NAALADL2: variants seen among roughly 807,000 people sequenced by gnomAD.
NAALADL2 encodes the protein N-acetylated alpha-linked acidic dipeptidase like 2, also known as inactive N-acetylated-alpha-linked acidic dipeptidase-like protein 2.
Under a neutral mutation model 87.2 loss-of-function variants are expected in NAALADL2, and 76 were observed. The observed-to-expected ratio is 0.87, with a 90% CI of 0.72 to 1.05. The LOEUF (loss-of-function observed/expected upper bound fraction) is 1.05. NAALADL2 is among the 50% of genes least tolerant of loss of function. NAALADL2 has a pLI of 0.00. For missense variants in NAALADL2, 1,089 were observed against 945.8 expected, an observed-to-expected ratio of 1.15 and a Z score of -1.99; for synonymous variants, 354 against 331.0, an observed-to-expected ratio of 1.07 and a Z score of -0.75.
chr3:175,346,087 T>G (rs535621200), intron 5 of NAALADL2, among the ~76,000 whole-genome samples: 1 of 152,280 alleles, frequency 6.6e-6, no homozygotes, highest in East Asian at 1.9e-4. Flanking sequence ...TTGTGCATAT[T>G]TGACTGTAAC....
intron 4 of NAALADL2, among the ~76,000 whole-genome samples, chr3:175,307,452 T>C (rs577419450): frequency 1.3e-5 from 2 of 152,266 alleles, no homozygotes; most frequent in African/African-American, 4.8e-5. Context: ...AATAAAGGTG[T>C]CTGGAATATT....
chr3:174,442,642 C>T (rs959139229), intron 1 of NAALADL2, among the ~76,000 whole-genome samples: 8 of 152,130 alleles, frequency 5.3e-5, no homozygotes, highest in African/African-American at 1.7e-4. Context: ...TACTGCGTGC[C>T]AAGCAGTGTT....
At chr3:175,274,169 C>T (rs1753253625) in intron 4 of NAALADL2, among the ~76,000 whole-genome samples, 1 of 152,122 alleles carries the variant, frequency 6.6e-6, no homozygotes, top group Non-Finnish European at 1.5e-5. Flanking sequence ...GGAAGCAAGA[C>T]ACGTCTTTGT....
intron 5 of NAALADL2, among the ~76,000 whole-genome samples, chr3:175,424,258 C>T (rs550051429): frequency 5.1e-4 from 77 of 152,120 alleles, no homozygotes; most frequent in Non-Finnish European, 4.9e-4. Context: ...AGCTCTTTAG[C>T]TTAATTAGAT....
chr3:175,333,515 C>T (rs541050748), intron 5 of NAALADL2, among the ~76,000 whole-genome samples: 38 of 152,238 alleles, frequency 2.5e-4, no homozygotes, highest in African/African-American at 8.7e-4. Context: ...ATGTCATTTA[C>T]AGCAACAGGG....
At chr3:174,846,795 G>A (rs2109450822) in intron 3 of NAALADL2, among the ~76,000 whole-genome samples, 1 of 152,098 alleles carries the variant, frequency 6.6e-6, no homozygotes, top group South Asian at 2.1e-4. Context: ...GACATTATTG[G>A]GCAGGCTGTG....
chr3:175,050,774 T>C (rs1755279881), intron 1 of NAALADL2, among the ~76,000 whole-genome samples: 1 of 152,198 alleles, frequency 6.6e-6, no homozygotes, highest in Admixed American at 6.5e-5. Context: ...CCATTATATT[T>C]TATTATGACC....
chr3:175,506,108 G>A (rs74619861), intron 9 of NAALADL2, among the ~76,000 whole-genome samples: 3,579 of 152,068 alleles, frequency 0.024, 54 homozygotes, highest in Non-Finnish European at 0.035. Context: ...AATTATGAGC[G>A]GTAGCACTTA....
At chr3:175,770,570 A>G (rs1476366719) in intron 13 of NAALADL2, among the ~76,000 whole-genome samples, 3 of 152,154 alleles carry the variant, frequency 2.0e-5, no homozygotes, top group Non-Finnish European at 2.9e-5. Flanking sequence ...ATAGTAATCT[A>G]CTCTTTATGC....
chr3:174,962,428 T>TGTCATAGTCACTATGAC (rs1742240134), intron 1 of NAALADL2, among the ~76,000 whole-genome samples: 1 of 140,712 alleles, frequency 7.1e-6, no homozygotes, highest in African/African-American at 2.8e-5. Context: ...TATATATATA[T>TGTCATAGTCACTATGAC]ATATGTATAT....
chr3:174,717,989 C>T (rs563177638), intron 2 of NAALADL2, among the ~76,000 whole-genome samples: 4 of 152,020 alleles, frequency 2.6e-5, no homozygotes, highest in East Asian at 1.9e-4. Flanking sequence ...ACTTGTCGGG[C>T]GTGTTGGGAG....
chr3:175,290,988 C>A (rs990741385), intron 4 of NAALADL2, among the ~76,000 whole-genome samples: 9 of 151,902 alleles, frequency 5.9e-5, no homozygotes, highest in African/African-American at 1.7e-4. Context: ...GGCAATGGTG[C>A]TAAGGTGATT....
chr3:175,523,756 C>T (rs1216066177), intron 9 of NAALADL2, among the ~76,000 whole-genome samples: 1 of 151,998 alleles, frequency 6.6e-6, no homozygotes, highest in African/African-American at 2.4e-5. Flanking sequence ...AAGAGAGTGA[C>T]GGAGCGAGTG....
chr3:175,477,445 G>A (rs1301766762), intron 9 of NAALADL2, among the ~76,000 whole-genome samples: 3 of 152,022 alleles, frequency 2.0e-5, no homozygotes, highest in African/African-American at 7.2e-5. Flanking sequence ...TTGAAAGCCT[G>A]TAACTTTGTT....
chr3:175,712,336 C>T (rs1041363399), intron 11 of NAALADL2, among the ~76,000 whole-genome samples: 2 of 151,960 alleles, frequency 1.3e-5, no homozygotes, highest in African/African-American at 4.8e-5. Flanking sequence ...TTCATGTAAT[C>T]CATGTAAAAG....
intron 1 of NAALADL2, among the ~76,000 whole-genome samples, chr3:174,483,354 T>A (rs1254046256): frequency 6.6e-6 from 1 of 151,866 alleles, no homozygotes; most frequent in Admixed American, 6.6e-5. Flanking sequence ...GAAGGAGAAG[T>A]GCTGAGTGAA....
chr3:174,725,385 G>T (rs1206242843), intron 2 of NAALADL2, among the ~76,000 whole-genome samples: 1 of 151,994 alleles, frequency 6.6e-6, no homozygotes, highest in Non-Finnish European at 1.5e-5. Flanking sequence ...TATTTACCTA[G>T]TACTGCTTCA....
At position 175,809,864 on chromosome 3, in the gene NAALADL2, C is replaced by A. The variant is rs542049966; in HGVS notation, c.*6661C>A. 45 of 151,834 alleles carry A rather than the reference C, an allele frequency of 3.0e-4. No individual in the cohort carries two copies. The highest frequency in any genetic ancestry group is 1.0e-3 in the African/African-American group (43 of 41,428). 9.4% of individuals were successfully genotyped at this position (151,834 alleles called of 1,614,324 possible). A position where few individuals can be genotyped will look rare whatever the true frequency, so the allele number is the denominator to read the frequency against. ...CAGTGGTATAACATTTAAAACACAG[C>A]CTTAAAATGAAGAATAGGGATGAGC... On this transcript the variant is annotated 3_prime_UTR_variant, in exon 14 of 14. Coordinates refer to ENST00000454872, the MANE Select transcript of NAALADL2 (RefSeq NM_207015.3).
At chr3:175,687,525 G>C (rs1736460980) in intron 11 of NAALADL2, among the ~76,000 whole-genome samples, 1 of 152,160 alleles carries the variant, frequency 6.6e-6, no homozygotes, top group Non-Finnish European at 1.5e-5. Context: ...GGAGTTAGTG[G>C]TGATGACTGG....
Sources: gnomAD v4.1 joint callset for allele counts (sites outside exome capture counted in the v4.1 genomes callset) on GRCh38, gnomAD v4.1.1 for gene constraint, MANE v1.5 for transcripts, NCBI Gene and HGNC (gene_info 2026-07-23, HGNC 2026-07-21) for gene names.